MGAT1: variants seen among roughly 807,000 people sequenced by gnomAD.
MGAT1 encodes the protein N-glycosyl-oligosaccharide-glycoprotein N-acetylglucosaminyltransferase I.
A neutral mutation model predicts 31.7 loss-of-function variants in MGAT1; 14 were observed. The ratio of observed to expected loss-of-function variants is 0.44; its 90% CI spans 0.29 to 0.69. MGAT1 has a LOEUF of 0.69. Among genes scored for constraint, MGAT1 ranks in the 30% least tolerant of loss-of-function variants. The pLI is 0.12. For missense variants in MGAT1, 557 were observed against 626.0 expected (o/e 0.89, Z 1.18); for synonymous variants, 338 against 276.0 (o/e 1.22, Z -2.23).
chr5:180,797,843 T>TTCTTCAAA (rs11282898), intron 1 of MGAT1, among the ~76,000 whole-genome samples: 1 of 130,662 alleles, frequency 7.7e-6, no homozygotes, highest in African/African-American at 2.9e-5. Flanking sequence ...GCCCACCTCC[T>TTCTTCAAA]TAGGCTCAGC....
At chr5:180,801,428 A>G (rs1029283859) in intron 1 of MGAT1, among the ~76,000 whole-genome samples, 1 of 152,180 alleles carries the variant, frequency 6.6e-6, no homozygotes, top group African/African-American at 2.4e-5. Flanking sequence ...AACTGCTTTC[A>G]TGTTCGTTCT....
At chr5:180,800,391 G>A (rs368767309) in intron 1 of MGAT1, among the ~76,000 whole-genome samples, 7 of 152,224 alleles carry the variant, frequency 4.6e-5, no homozygotes, top group Non-Finnish European at 1.0e-4. Flanking sequence ...AGGAGATGAC[G>A]TGTCTCTGCT....
Position 180,788,403 on chromosome 5 carries a change from G to T in MGAT1, c.*3231C>A, listed in dbSNP as rs1231779748. 6.5e-6 allele frequency: 1 copy of T among 152,906 alleles called. No individual in the cohort carries two copies. Among genetic ancestry groups the T allele is most frequent in the African/African-American group, 2.4e-5 (1 of 41,460 alleles). 9.5% of individuals were successfully genotyped at this position (152,906 alleles called of 1,614,324 possible). ...TCTCCACCCTCACAGGAGACCGCCG[G>T]TGCCTGGCCTGAGAATCCAAGTGCA... On this transcript the variant is annotated 3_prime_UTR_variant, in exon 2 of 2. Transcript: ENST00000307826.
upstream of MGAT1, among the ~76,000 whole-genome samples, chr5:180,805,478 G>A (rs963373129): frequency 1.1e-4 from 16 of 152,206 alleles, no homozygotes; most frequent in African/African-American, 1.7e-4. Context: ...CAGGCTGGGC[G>A]CAGTGGCTCA....
rs748209005 is a variant in MGAT1, at chr5:180,787,643, G to C, written c.*3991C>G. ...TGTATCTAAAATGAACATGTAATAC[G>C]AAAAGCCAGTAGCTGGTATTTGTAA... On this transcript the variant is annotated 3_prime_UTR_variant, in exon 2 of 2. Transcript: ENST00000307826. 1 of 152,232 alleles carries C rather than the reference G, an allele frequency of 6.6e-6. No homozygotes were observed. Among genetic ancestry groups the C allele is most frequent in the Admixed American group, 6.5e-5 (1 of 15,288 alleles). 9.4% of individuals were successfully genotyped at this position (152,232 alleles called of 1,614,324 possible).
intron 1 of MGAT1, among the ~76,000 whole-genome samples, chr5:180,797,675 A>G (rs1055369531): frequency 2.6e-5 from 4 of 152,074 alleles, no homozygotes; most frequent in African/African-American, 9.7e-5. Context: ...GCAAGTCTGC[A>G]CACACATGGA....
At chr5:180,801,858 C>G (rs1274666467) in intron 1 of MGAT1, among the ~76,000 whole-genome samples, 1 of 152,212 alleles carries the variant, frequency 6.6e-6, no homozygotes, top group Non-Finnish European at 1.5e-5. Context: ...GTGCTTCTAA[C>G]AGTGAGAATG....
At position 180,792,957 on chromosome 5, in the gene MGAT1, CT is replaced by C; in HGVS notation, c.14del (p.Gln5ArgfsTer50). On this transcript the variant is annotated frameshift_variant, in exon 2 of 2. Transcript: ENST00000307826. LOFTEE classifies it high-confidence loss of function. ...CGCCCCACAGCACAAGCCCTGCAGA[CT>C]GCTTCTTCAGCATCCTGGCCCCCAC... is the stretch of plus-strand genomic sequence containing the variant. MLKK[Q>X]SAGLVLWGAI... is the part of the protein sequence containing the mutation. 6.2e-7 allele frequency: 1 copy of C among 1,613,460 alleles called. No individual in the cohort carries two copies. The highest frequency in any genetic ancestry group is 1.7e-5 in the Admixed American group (1 of 60,016).
chr5:180,812,788 G>C (rs1219323603), intron 1 of MGAT1, among the ~76,000 whole-genome samples: 1 of 152,092 alleles, frequency 6.6e-6, no homozygotes, highest in Non-Finnish European at 1.5e-5. Context: ...AGTTGCTTCA[G>C]AATTTACTAA....
upstream of MGAT1, among the ~76,000 whole-genome samples, chr5:180,805,885 GA>G (rs2113542257): frequency 6.6e-6 from 1 of 152,276 alleles, no homozygotes; most frequent in South Asian, 2.1e-4. Context: ...GGTCAAAGAG[GA>G]AAGATTAACA....
At chr5:180,800,672 A>G (rs1581869892) in intron 1 of MGAT1, among the ~76,000 whole-genome samples, 1 of 116,936 alleles carries the variant, frequency 8.6e-6, no homozygotes, top group East Asian at 3.4e-4. Flanking sequence ...TGTCTTACTC[A>G]CTGGTCAAGG....
upstream of MGAT1, among the ~76,000 whole-genome samples, chr5:180,807,105 C>A (rs1296992527): frequency 6.6e-6 from 1 of 152,144 alleles, no homozygotes; most frequent in African/African-American, 2.4e-5. Flanking sequence ...AAAGGAAAGA[C>A]TGGGGAAGGG....
chr5:180,811,308 G>T (rs75268547), intron 1 of MGAT1: 10,240 of 152,214 alleles, frequency 0.067, 492 homozygotes, highest in South Asian at 0.18. Context: ...TCAGGACTCT[G>T]GAGATGATTT....
chr5:180,806,411 G>A (rs1771877643), upstream of MGAT1, among the ~76,000 whole-genome samples: 1 of 152,236 alleles, frequency 6.6e-6, no homozygotes, highest in Non-Finnish European at 1.5e-5. Flanking sequence ...TTGTCTTGAA[G>A]GGACTGTCTC....
chr5:180,799,625 C>T (rs1425319613), intron 1 of MGAT1, among the ~76,000 whole-genome samples: 1 of 152,218 alleles, frequency 6.6e-6, no homozygotes, highest in Non-Finnish European at 1.5e-5. Flanking sequence ...AGACTGCTTG[C>T]ACTATTACCG....
Position 180,791,718 on chromosome 5 carries a change from A to G in MGAT1, c.1254T>C (p.Gly418=), listed in dbSNP as rs770711746. The G allele has an allele frequency of 1.2e-5, 20 of 1,613,500 alleles. No individual in the cohort carries two copies. Among genetic ancestry groups the G allele is most frequent in the Non-Finnish European group, 1.4e-5 (17 of 1,179,988 alleles). ...KSGVPRAGYR[G]IVTFQFRGRR... The stretch of plus-strand genomic sequence containing the variant: ...GGCCCCGGAACTGGAAGGTGACAAT[A>G]CCCCGGTAGCCAGCTCTCGGAACCC... The change falls in exon 2 of 2, where the codon GGT becomes GGC. Residue 418 remains glycine, a synonymous_variant. Transcript: ENST00000307826.
At chr5:180,810,578 G>C (rs1407890642) in intron 1 of MGAT1, 1 of 152,340 alleles carries the variant, frequency 6.6e-6, no homozygotes, top group Non-Finnish European at 1.5e-5. Context: ...CTGAAGTAGG[G>C]GCGGAACCTG....
upstream of MGAT1, among the ~76,000 whole-genome samples, chr5:180,806,165 A>G (rs1373191198): frequency 2.0e-5 from 3 of 152,072 alleles, no homozygotes; most frequent in Non-Finnish European, 4.4e-5. Flanking sequence ...GTGTGCCTGT[A>G]GTCCCAGCTA....
At chr5:180,798,310 C>T (rs149221438) in intron 1 of MGAT1, among the ~76,000 whole-genome samples, 3 of 152,292 alleles carry the variant, frequency 2.0e-5, no homozygotes, top group East Asian at 1.9e-4. Context: ...AGCCTACCGT[C>T]GGGGTCTTTG....
Sources: allele counts gnomAD v4.1 joint callset (sites outside exome capture counted in the v4.1 genomes callset), GRCh38; gene constraint gnomAD v4.1.1; transcripts MANE v1.5; gene names NCBI Gene and HGNC (gene_info 2026-07-23, HGNC 2026-07-21).